The following EGF variants were observed in gnomAD, a reference collection of about 807,000 sequenced individuals.
The protein encoded by EGF is pro-epidermal growth factor.
In EGF, 95 loss-of-function variants were observed where a neutral mutation model predicts 143.8. The observed-to-expected ratio is 0.66, with a 90% CI of 0.56 to 0.78. The LOEUF (loss-of-function observed/expected upper bound fraction) is 0.78, where lower values mean the gene tolerates loss of function less well. EGF is among the 30% of genes least tolerant of loss of function. The probability of loss-of-function intolerance (pLI) is 0.00; values close to 1 mark genes in which losing one functional copy is unlikely to be tolerated. For synonymous variants in EGF, 510 were observed against 510.5 expected, an observed-to-expected ratio of 1.00 and a Z score of 0.01; for missense variants, 1,320 against 1,470.9, an observed-to-expected ratio of 0.90 and a Z score of 1.68.
At chr4:109,939,704 CG>C (rs1560657265) in intron 1 of EGF, among the ~76,000 whole-genome samples, 1 of 152,174 alleles carries the variant, frequency 6.6e-6, no homozygotes, top group African/African-American at 2.4e-5. Flanking sequence ...TTTAATTCAA[CG>C]TACTCTCCAA....
intron 6 of EGF, 115 bp downstream of exon 6, chr4:109,959,552 C>T (rs935267398): frequency 6.6e-7 from 1 of 1,522,370 alleles, no homozygotes; most frequent in South Asian, 1.1e-5. Flanking sequence ...AGTGGAAAAC[C>T]AACTTCAAGT....
chr4:109,977,438 A>G (rs1239871541), intron 13 of EGF: 1 of 152,178 alleles, frequency 6.6e-6, no homozygotes, highest in African/African-American at 2.4e-5. Context: ...CTTCAGGGGT[A>G]TTTATTGACA....
chr4:109,942,766 T>C (rs1488774567), intron 2 of EGF, among the ~76,000 whole-genome samples: 1 of 152,108 alleles, frequency 6.6e-6, no homozygotes, highest in Non-Finnish European at 1.5e-5. Flanking sequence ...AAGGGGCCTA[T>C]TGGAGGAGGA....
At chr4:109,958,064 C>T (rs536081177) in intron 5 of EGF, among the ~76,000 whole-genome samples, 3 of 152,172 alleles carry the variant, frequency 2.0e-5, no homozygotes, top group South Asian at 4.1e-4. Flanking sequence ...GATTGGTATC[C>T]CCCAAGATAC....
At chr4:109,950,167 T>C (rs1743619811) in intron 5 of EGF, among the ~76,000 whole-genome samples, 1 of 152,216 alleles carries the variant, frequency 6.6e-6, no homozygotes, top group Non-Finnish European at 1.5e-5. Flanking sequence ...TAAGCATGTC[T>C]ACTTGGATTT....
chr4:109,946,301 A>T (rs1261718054), intron 5 of EGF, among the ~76,000 whole-genome samples: 1 of 152,204 alleles, frequency 6.6e-6, no homozygotes, highest in Non-Finnish European at 1.5e-5. Flanking sequence ...CTTTGCACTT[A>T]GGTTGAAGTT....
At chr4:109,939,076 G>T (rs1337584614) in intron 1 of EGF, among the ~76,000 whole-genome samples, 1 of 152,240 alleles carries the variant, frequency 6.6e-6, no homozygotes, top group Non-Finnish European at 1.5e-5. Context: ...GGATGTTTAA[G>T]TCTGTAGAAG....
intron 19 of EGF, among the ~76,000 whole-genome samples, 198 bp downstream of exon 19, chr4:109,993,567 T>C (rs1430847566): frequency 6.6e-6 from 1 of 152,182 alleles, no homozygotes; most frequent in Non-Finnish European, 1.5e-5. Flanking sequence ...GCATCTGGAA[T>C]AAATCCTTTT....
chr4:109,991,280 A>C (rs779329709), intron 18 of EGF, among the ~76,000 whole-genome samples: 8 of 152,216 alleles, frequency 5.3e-5, no homozygotes, highest in Non-Finnish European at 1.0e-4. Context: ...CTAAGTCTTC[A>C]AACTCTAATG....
At chr4:109,987,691 G>A (rs986326389) in intron 16 of EGF, 53 bp from the exon 17 acceptor site, 36 of 1,466,946 alleles carry the variant, frequency 2.5e-5, no homozygotes, top group Middle Eastern at 1.7e-4. Context: ...ATTAAAGTCC[G>A]TTTTCTTCTC....
chr4:109,992,774 A>G (rs1189142771), intron 18 of EGF, among the ~76,000 whole-genome samples: 3 of 152,252 alleles, frequency 2.0e-5, no homozygotes, highest in South Asian at 4.1e-4. Context: ...ACCATAAAAA[A>G]TGATGAGTTC....
Position 109,969,058 on chromosome 4 carries a change from G to A in EGF, c.1663G>A (p.Asp555Asn). 6.2e-7 allele frequency: 1 copy of A among 1,614,214 alleles called. No individual in the cohort carries two copies. Among genetic ancestry groups the A allele is most frequent in the Non-Finnish European group, 8.5e-7 (1 of 1,180,040 alleles). ...AGAAAGGCTTATTGAGGAAGGAGTA[G>A]ATGTGCCAGAAGGTCTTGCTGTGGA... ...QRERLIEEGV[D>N]VPEGLAVDWI... The change falls in exon 11 of 24, where the codon GAT becomes AAT. Residue 555 changes from aspartate to asparagine, a missense_variant. Around this residue, in one of 5 missense-constraint regions of EGF, gnomAD observed 1,186 missense variants for 1,313.7 expected, o/e 0.90. Coordinates refer to ENST00000265171, the MANE Select transcript of EGF (RefSeq NM_001963.6).
At chr4:109,928,611 AACGAGAG>A (rs1442591764) in intron 1 of EGF, among the ~76,000 whole-genome samples, 1 of 152,218 alleles carries the variant, frequency 6.6e-6, no homozygotes, top group Non-Finnish European at 1.5e-5. Flanking sequence ...AGATTTTCCC[AACGAGAG>A]ACAGCTTTGC....
intron 1 of EGF, among the ~76,000 whole-genome samples, chr4:109,917,474 T>C (rs1041375526): frequency 6.6e-6 from 1 of 151,860 alleles, no homozygotes; most frequent in African/African-American, 2.4e-5. Context: ...TGGTTGGAGG[T>C]TTTTTAGCTT....
At chr4:109,927,847 G>A (rs958503556) in intron 1 of EGF, among the ~76,000 whole-genome samples, 1 of 136,222 alleles carries the variant, frequency 7.3e-6, no homozygotes, top group African/African-American at 2.7e-5. Context: ...GTGTGTGTGT[G>A]TGAAACATTT....
intron 21 of EGF, among the ~76,000 whole-genome samples, chr4:110,001,480 A>C (rs112060637): frequency 6.6e-6 from 1 of 152,230 alleles, no homozygotes; most frequent in South Asian, 2.1e-4. Flanking sequence ...GTGTAGAAAG[A>C]ATATTGAATG....
At chr4:109,971,400 T>A (rs190267793) in intron 11 of EGF, among the ~76,000 whole-genome samples, 4 of 152,322 alleles carry the variant, frequency 2.6e-5, no homozygotes, top group Admixed American at 2.0e-4. Flanking sequence ...TACATGGTTG[T>A]TCTCAGGAGG....
At chr4:109,926,689 G>T (rs537452963) in intron 1 of EGF, among the ~76,000 whole-genome samples, 1 of 152,124 alleles carries the variant, frequency 6.6e-6, no homozygotes, top group Non-Finnish European at 1.5e-5. Context: ...AAAAAGAAAA[G>T]GACAAGTGTT....
Position 109,944,160 on chromosome 4 carries a change from G to A in EGF, c.737+91G>A, listed in dbSNP as rs11568901. 0.016 allele frequency: 21,333 copies of A among 1,361,006 alleles called. 2,010 individuals are homozygous for A. In the East Asian group the frequency reaches 0.23, roughly 15 times the overall value. 84.3% of individuals were successfully genotyped at this position (1,361,006 alleles called of 1,614,324 possible). A position where few individuals can be genotyped will look rare whatever the true frequency, so the allele number is the denominator to read the frequency against. The stretch of plus-strand genomic sequence containing the variant: ...TACTTTTGTCAATGGAACTGGTATA[G>A]TGGTTTAGGCCATAGATTTTGAATC... On this transcript the variant is annotated intron_variant, in intron 4 of 23. Transcript: ENST00000265171.
Sources: gnomAD v4.1 joint callset for allele counts (sites outside exome capture counted in the v4.1 genomes callset) on GRCh38, gnomAD v4.1.1 for gene constraint, gnomAD v4.1.1 regional missense constraint, MANE v1.5 for transcripts, NCBI Gene and HGNC (gene_info 2026-07-23, HGNC 2026-07-21) for gene names.